The following RARB variants were observed in gnomAD, a reference collection of about 807,000 sequenced individuals.
RARB encodes the protein retinoic acid receptor beta.
RARB carries 17 observed loss-of-function variants against 51.9 expected under a neutral mutation model. The ratio of observed to expected loss-of-function variants is 0.33; its 90% confidence interval spans 0.22 to 0.49. RARB has a LOEUF of 0.49. RARB is among the 20% of genes least tolerant of loss of function. RARB has a pLI of 0.99. For synonymous variants in RARB, 215 were observed against 195.4 expected (o/e 1.10, Z -0.84); for missense variants, 369 against 550.8 (o/e 0.67, Z 3.30).
At chr3:24,960,477 A>C (rs1696114658) in intron 2 of RARB, among the ~76,000 whole-genome samples, 1 of 152,186 alleles carries the variant, frequency 6.6e-6, no homozygotes, top group African/African-American at 2.4e-5. Flanking sequence ...CCAGTTTGTG[A>C]GAGTGTGTGC....
chr3:25,094,716 C>CAAAAAA lies in RARB; in HGVS notation c.-328+34560_-328+34565dup, dbSNP rs57477720. ...TGGGAGACAGAGTGAGACCCCATCT[C>CAAAAAA]AAAAAAAAAAAAAAAAAAAAAAAAA... On this transcript the variant is annotated intron_variant, in intron 3 of 11. Transcript: ENST00000383772. 1.2e-3 allele frequency among the ~76,000 whole-genome samples: 50 copies of CAAAAAA among 43,086 alleles called. 1 individual carries two copies. Among genetic ancestry groups the CAAAAAA allele is most frequent in the African/African-American group, 2.7e-3 (29 of 10,702 alleles). The allele number at this position is 43,086 out of a possible 152,430, so 28.3% of individuals were successfully genotyped here.
intron 2 of RARB, among the ~76,000 whole-genome samples, chr3:24,933,287 T>A (rs1695480017): frequency 6.6e-6 from 1 of 152,074 alleles, no homozygotes. Flanking sequence ...TATACATTTT[T>A]TTTTTACAGA....
At chr3:25,213,858 GT>G (rs1291403318) in intron 5 of RARB, among the ~76,000 whole-genome samples, 1 of 152,150 alleles carries the variant, frequency 6.6e-6, no homozygotes, top group African/African-American at 2.4e-5. Context: ...CTTATGATAA[GT>G]TTCTCTTACT....
chr3:25,567,418 G>A (rs57862338), intron 3 of RARB, among the ~76,000 whole-genome samples: 14 of 152,140 alleles, frequency 9.2e-5, no homozygotes, highest in African/African-American at 2.7e-4. Context: ...GGCCTTTTGC[G>A]ACTGGCTTCT....
At chr3:25,174,812 A>C (rs1353037822) in intron 5 of RARB, among the ~76,000 whole-genome samples, 1 of 152,246 alleles carries the variant, frequency 6.6e-6, no homozygotes, top group African/African-American at 2.4e-5. Context: ...GTTTCATAAA[A>C]TGCAAACACA....
intron 2 of RARB, among the ~76,000 whole-genome samples, chr3:24,952,210 TAAACAAAACAAACAAAC>T (rs922913627): frequency 6.6e-6 from 1 of 151,550 alleles, no homozygotes; most frequent in African/African-American, 2.4e-5. Context: ...CCTGTCTATT[TAAACAAAACAAACAAAC>T]AAACAAAAAG....
At chr3:25,095,388 A>G (rs778200106) in intron 3 of RARB, among the ~76,000 whole-genome samples, 1 of 152,168 alleles carries the variant, frequency 6.6e-6, no homozygotes, top group Non-Finnish European at 1.5e-5. Flanking sequence ...TATAAATGCA[A>G]ATTCTTGGGT....
chr3:25,560,685 A>G (rs935231256), intron 3 of RARB, among the ~76,000 whole-genome samples: 11 of 152,176 alleles, frequency 7.2e-5, no homozygotes, highest in African/African-American at 2.7e-4. Flanking sequence ...TCTTGGATAA[A>G]AATTCTTTCC....
chr3:25,382,861 CAAAT>C (rs1440691334), intron 5 of RARB, among the ~76,000 whole-genome samples: 3 of 150,880 alleles, frequency 2.0e-5, no homozygotes, highest in Non-Finnish European at 4.4e-5. Context: ...CCATCTCAAA[CAAAT>C]AAACAAAAAA....
intron 2 of RARB, 35 bp downstream of exon 2, chr3:25,461,376 C>G: frequency 6.2e-7 from 1 of 1,605,338 alleles, no homozygotes; most frequent in Non-Finnish European, 8.5e-7. Flanking sequence ...GATGAACTCT[C>G]ATTCTCCATG....
chr3:25,519,316 G>A (rs76614101), intron 3 of RARB, among the ~76,000 whole-genome samples: 5 of 104,326 alleles, frequency 4.8e-5, no homozygotes, highest in South Asian at 2.2e-4. Flanking sequence ...ACAGGGACAC[G>A]TGTTTAATTT....
chr3:24,973,664 T>C (rs1202112763), intron 2 of RARB, among the ~76,000 whole-genome samples: 1 of 152,116 alleles, frequency 6.6e-6, no homozygotes, highest in East Asian at 1.9e-4. Flanking sequence ...TACAGATCTT[T>C]CACATCTTTG....
At chr3:25,185,374 G>C (rs1439231587) in intron 5 of RARB, among the ~76,000 whole-genome samples, 1 of 152,000 alleles carries the variant, frequency 6.6e-6, no homozygotes, top group Non-Finnish European at 1.5e-5. Flanking sequence ...TAGGACCTGC[G>C]GGGTCTGCAT....
intron 2 of RARB, among the ~76,000 whole-genome samples, chr3:24,977,538 T>G (rs1454094555): frequency 6.6e-6 from 1 of 152,190 alleles, no homozygotes; most frequent in Admixed American, 6.5e-5. Flanking sequence ...GAATGGGAGT[T>G]CACTCATGAT....
intron 2 of RARB, among the ~76,000 whole-genome samples, chr3:24,908,217 T>G (rs1260359658): frequency 6.6e-6 from 1 of 152,210 alleles, no homozygotes; most frequent in African/African-American, 2.4e-5. Flanking sequence ...TACTTGGATT[T>G]TTATTGTTAG....
rs555556792 is a variant in RARB at position 25,586,741 on chromosome 3, C to T, written c.786+6019C>T. ...GTGCAGCTGTATAGCCATGGAGGGC[C>T]GTTCCCATGTGAACCTGTCCCTCCC... On this transcript the variant is annotated intron_variant, in intron 5 of 7. Coordinates refer to ENST00000330688, the MANE Select transcript of RARB (RefSeq NM_000965.5). Among the ~76,000 whole-genome samples the T allele has an allele frequency of 3.3e-5, 5 of 152,292 alleles. No individual in the cohort carries two copies. The South Asian group carries it at 1.0e-3, about 32-fold the overall frequency.
intron 5 of RARB, among the ~76,000 whole-genome samples, chr3:25,354,008 A>G (rs1399161076): frequency 1.3e-5 from 2 of 151,964 alleles, no homozygotes; most frequent in East Asian, 3.9e-4. Context: ...GGGATTCAAG[A>G]CCCTCTCCCC....
At chr3:25,458,185 A>C (rs1381267374) in intron 1 of RARB, 3 of 152,252 alleles carry the variant, frequency 2.0e-5, no homozygotes, top group African/African-American at 7.2e-5. Context: ...TGGTGAGATT[A>C]GCTACAAAGT....
chr3:25,196,708 T>A (rs889661232), intron 5 of RARB, among the ~76,000 whole-genome samples: 3 of 152,150 alleles, frequency 2.0e-5, no homozygotes, highest in Non-Finnish European at 4.4e-5. Context: ...TGTTCCTATT[T>A]CTCCACATCC....
Sources: allele counts gnomAD v4.1 joint callset (sites outside exome capture counted in the v4.1 genomes callset), GRCh38; gene constraint gnomAD v4.1.1; transcripts MANE v1.5; gene names NCBI Gene and HGNC (gene_info 2026-07-23, HGNC 2026-07-21).